The following EEIG2 variants were observed in gnomAD, a reference collection of about 807,000 sequenced individuals.
The protein encoded by EEIG2 is EEIG family member 2.
chr1:108,606,607 A>G, the EEIG2 span, among the ~76,000 whole-genome samples: 2 of 152,292 alleles, frequency 1.3e-5, no homozygotes, highest in Admixed American at 6.5e-5. Context: ...CACTCTGTGT[A>G]TACATGATCA....
the EEIG2 span, among the ~76,000 whole-genome samples, chr1:108,576,260 G>A: frequency 1.5e-4 from 23 of 152,056 alleles, no homozygotes; most frequent in Non-Finnish European, 2.8e-4. Flanking sequence ...GTAATATCTT[G>A]TTTTATCTAT....
At chr1:108,605,210 A>G in the EEIG2 span, among the ~76,000 whole-genome samples, 1 of 152,152 alleles carries the variant, frequency 6.6e-6, no homozygotes, top group Non-Finnish European at 1.5e-5. Flanking sequence ...AGCTAGCAGA[A>G]ACAAGGATCA....
the EEIG2 span, chr1:108,624,527 C>A: frequency 1.5e-6 from 1 of 647,796 alleles, no homozygotes; most frequent in Non-Finnish European, 2.6e-6. Flanking sequence ...TACTTTCACT[C>A]TCAAAGGGGT....
the EEIG2 span, among the ~76,000 whole-genome samples, chr1:108,589,783 C>CTTTTTTTTTTTTTTT: frequency 1.2e-5 from 1 of 85,160 alleles, no homozygotes; most frequent in Admixed American, 1.5e-4. Flanking sequence ...GTCTTTTGTC[C>CTTTTTTTTTTTTTTT]TTTTTTTTTT....
the EEIG2 span, among the ~76,000 whole-genome samples, chr1:108,573,987 A>G: frequency 2.0e-5 from 3 of 152,358 alleles, no homozygotes; most frequent in Admixed American, 2.0e-4. Context: ...TGGTCCCTCA[A>G]AAAACTTTAA....
chr1:108,601,822 T>C, the EEIG2 span, among the ~76,000 whole-genome samples: 1 of 152,000 alleles, frequency 6.6e-6, no homozygotes, highest in Admixed American at 6.6e-5. Context: ...TTGACAAAAA[T>C]GAAAAAGTTT....
chr1:108,596,107 G>A, the EEIG2 span, among the ~76,000 whole-genome samples: 17 of 151,388 alleles, frequency 1.1e-4, no homozygotes, highest in African/African-American at 3.6e-4. Context: ...AGGGAGGCAG[G>A]GATTAGGACT....
chr1:108,608,799 A>G, the EEIG2 span, among the ~76,000 whole-genome samples: 4 of 152,322 alleles, frequency 2.6e-5, 1 homozygote, highest in Middle Eastern at 6.8e-3. Context: ...TGATTTAAAC[A>G]ACGTTTATTT....
chr1:108,570,565 G>A, the EEIG2 span, among the ~76,000 whole-genome samples: 1 of 152,172 alleles, frequency 6.6e-6, no homozygotes, highest in Non-Finnish European at 1.5e-5. Context: ...GAATGGGAGA[G>A]GAAGCTGACC....
the EEIG2 span, among the ~76,000 whole-genome samples, chr1:108,591,466 TAAG>T: frequency 6.6e-6 from 1 of 152,178 alleles, no homozygotes; most frequent in Non-Finnish European, 1.5e-5. Context: ...CAGTTCCTAT[TAAG>T]AAAGGGCACA....
At chr1:108,598,111 T>C in the EEIG2 span, among the ~76,000 whole-genome samples, 1 of 151,998 alleles carries the variant, frequency 6.6e-6, no homozygotes, top group Non-Finnish European at 1.5e-5. Flanking sequence ...GTGGCCAGAT[T>C]GCTTGAGGCC....
the EEIG2 span, chr1:108,635,651 T>C: frequency 6.6e-6 from 1 of 152,450 alleles, no homozygotes; most frequent in African/African-American, 2.4e-5. Flanking sequence ...CCTACAGCAT[T>C]GTATAAAGTG....
chr1:108,603,826 T>C, the EEIG2 span, among the ~76,000 whole-genome samples: 1 of 152,152 alleles, frequency 6.6e-6, no homozygotes, highest in Admixed American at 6.5e-5. Flanking sequence ...TTAACTAAAA[T>C]TTAAAGCTAA....
At chr1:108,572,665 G>C in the EEIG2 span, among the ~76,000 whole-genome samples, 4 of 152,164 alleles carry the variant, frequency 2.6e-5, no homozygotes, top group South Asian at 8.3e-4. Flanking sequence ...GCCCAGGCTG[G>C]AGTGCAATGG....
At chr1:108,570,828 A>G in the EEIG2 span, among the ~76,000 whole-genome samples, 3 of 152,192 alleles carry the variant, frequency 2.0e-5, no homozygotes, top group Non-Finnish European at 4.4e-5. Flanking sequence ...CAGGAAGATA[A>G]ATAAGGAAAA....
the EEIG2 span, chr1:108,628,344 T>A: frequency 6.2e-7 from 1 of 1,611,546 alleles, no homozygotes; most frequent in Non-Finnish European, 8.5e-7. Flanking sequence ...CGATGTCAGA[T>A]TGCAGAGTGT....
chr1:108,594,146 A>G, the EEIG2 span, among the ~76,000 whole-genome samples: 99 of 152,072 alleles, frequency 6.5e-4, no homozygotes, highest in African/African-American at 2.3e-3. Context: ...TACATGCATA[A>G]TAGTTAAGTC....
the EEIG2 span, chr1:108,624,925 A>T: frequency 1.7e-6 from 1 of 575,702 alleles, no homozygotes; most frequent in Non-Finnish European, 3.1e-6. Context: ...TTGTGCTCTG[A>T]CAGATTAAAA....
chr1:108,602,730 AT>A, the EEIG2 span, among the ~76,000 whole-genome samples: 1 of 152,102 alleles, frequency 6.6e-6, no homozygotes, highest in Admixed American at 6.5e-5. Flanking sequence ...AAATACAAAA[AT>A]TAGCCAGGTA....
Sources: allele counts gnomAD v4.1 joint callset (sites outside exome capture counted in the v4.1 genomes callset), GRCh38; gene constraint gnomAD v4.1.1; transcripts MANE v1.5; gene names NCBI Gene and HGNC (gene_info 2026-07-23, HGNC 2026-07-21).